The following GRIP1 variants were observed in gnomAD, a reference collection of about 807,000 sequenced individuals.
GRIP1 encodes the protein glutamate receptor interacting protein 1.
Under a neutral mutation model 129.9 loss-of-function variants are expected in GRIP1, and 45 were observed. The ratio of observed to expected loss-of-function variants is 0.35; its 90% CI spans 0.27 to 0.44. The LOEUF is 0.44. GRIP1 is among the 20% of genes least tolerant of loss of function. The probability of loss-of-function intolerance (pLI) is 1.00; values close to 1 mark genes in which losing one functional copy is unlikely to be tolerated. For synonymous variants in GRIP1, 530 were observed against 520.8 expected (o/e 1.02, Z -0.24); for missense variants, 1,196 against 1,396.8 (o/e 0.86, Z 2.29).
At chr12:66,632,566 A>G (rs2030922818) in intron 1 of GRIP1, among the ~76,000 whole-genome samples, 1 of 152,190 alleles carries the variant, frequency 6.6e-6, no homozygotes, top group African/African-American at 2.4e-5. Flanking sequence ...TTCCATTCTA[A>G]TGAACACTTT....
intron 1 of GRIP1, among the ~76,000 whole-genome samples, chr12:66,837,798 G>A (rs909313875): frequency 2.6e-5 from 4 of 152,160 alleles, no homozygotes; most frequent in Non-Finnish European, 2.9e-5. Flanking sequence ...AAGGGTAAAG[G>A]AGAAAGGTCA....
At chr12:66,665,357 T>C (rs2033738136) in intron 1 of GRIP1, among the ~76,000 whole-genome samples, 1 of 152,146 alleles carries the variant, frequency 6.6e-6, no homozygotes, top group Non-Finnish European at 1.5e-5. Flanking sequence ...TAGTACACAA[T>C]TCAAAAATGA....
chr12:66,988,848 T>C (rs2042353451), intron 1 of GRIP1, among the ~76,000 whole-genome samples: 1 of 152,226 alleles, frequency 6.6e-6, no homozygotes, highest in Non-Finnish European at 1.5e-5. Flanking sequence ...AAAGAATGAT[T>C]TGATGGCTTT....
intron 1 of GRIP1, among the ~76,000 whole-genome samples, chr12:67,052,757 T>A (rs2043367541): frequency 1.1e-5 from 1 of 88,042 alleles, no homozygotes; most frequent in Non-Finnish European, 2.0e-5. Flanking sequence ...AGACTCTCTC[T>A]CAAAAATGAA....
chr12:66,641,654 C>G (rs762050601), intron 1 of GRIP1, among the ~76,000 whole-genome samples: 11 of 152,150 alleles, frequency 7.2e-5, no homozygotes, highest in South Asian at 2.1e-4. Flanking sequence ...GAGACAAGCT[C>G]TGAGGAAATG....
intron 23 of GRIP1, among the ~76,000 whole-genome samples, chr12:66,367,953 G>A (rs577702066): frequency 7.9e-5 from 12 of 152,298 alleles, no homozygotes; most frequent in Non-Finnish European, 1.5e-4. Context: ...CATGACAACT[G>A]GCTTTTCAGC....
At chr12:66,943,828 T>G (rs1186099990) in intron 1 of GRIP1, among the ~76,000 whole-genome samples, 2 of 152,202 alleles carry the variant, frequency 1.3e-5, no homozygotes, top group African/African-American at 4.8e-5. Flanking sequence ...ATTCAATATA[T>G]TTGACTCAAT....
At chr12:66,569,005 G>T in intron 2 of GRIP1, 2 of 473,306 alleles carry the variant, frequency 4.2e-6, no homozygotes, top group East Asian at 5.9e-5. Flanking sequence ...AATTCTATCT[G>T]CGTGCTTCTC....
intron 1 of GRIP1, among the ~76,000 whole-genome samples, chr12:66,619,201 G>T (rs2065164955): frequency 6.6e-6 from 1 of 152,034 alleles, no homozygotes; most frequent in Admixed American, 6.6e-5. Flanking sequence ...AAATAGTTTG[G>T]GATCCATAGG....
At chr12:66,757,576 C>T (rs368112044) in intron 1 of GRIP1, among the ~76,000 whole-genome samples, 26 of 152,226 alleles carry the variant, frequency 1.7e-4, no homozygotes, top group African/African-American at 3.1e-4. Flanking sequence ...GATACTTCCT[C>T]GATATACTAA....
chr12:66,470,748 T>C (rs1270893341), intron 7 of GRIP1, among the ~76,000 whole-genome samples: 1 of 152,178 alleles, frequency 6.6e-6, no homozygotes, highest in Non-Finnish European at 1.5e-5. Flanking sequence ...GAGAAGAGTT[T>C]AATAAAGGAA....
chr12:66,786,596 T>C (rs1168649821), intron 1 of GRIP1, among the ~76,000 whole-genome samples: 1 of 152,228 alleles, frequency 6.6e-6, no homozygotes, highest in Admixed American at 6.5e-5. Flanking sequence ...CAGTATCTAC[T>C]GGTGAGCACT....
intron 1 of GRIP1, among the ~76,000 whole-genome samples, chr12:66,941,052 AC>A (rs77133332): frequency 0.083 from 12,639 of 152,226 alleles, 664 homozygotes; most frequent in East Asian, 0.24. Flanking sequence ...AATGCTAAAC[AC>A]AATCTCCAAT....
chr12:67,064,771 C>CT (rs1227315680), intron 1 of GRIP1, among the ~76,000 whole-genome samples: 1 of 152,016 alleles, frequency 6.6e-6, no homozygotes, highest in Non-Finnish European at 1.5e-5. Context: ...TATTATTATA[C>CT]TTTAAGTTTT....
chr12:66,383,507 G>A (rs2056216031), intron 19 of GRIP1, among the ~76,000 whole-genome samples: 1 of 152,138 alleles, frequency 6.6e-6, no homozygotes, highest in Non-Finnish European at 1.5e-5. Context: ...CCCCATAGGA[G>A]GAATGTGATT....
At chr12:66,648,209 C>T (rs2032520920) in intron 1 of GRIP1, among the ~76,000 whole-genome samples, 1 of 152,024 alleles carries the variant, frequency 6.6e-6, no homozygotes. Flanking sequence ...TGGCTTGTGG[C>T]TCATGCCCAT....
At chr12:66,371,597 T>G (rs371953884) in intron 23 of GRIP1, 97 bp downstream of exon 23, 18 of 819,314 alleles carry the variant, frequency 2.2e-5, no homozygotes, top group East Asian at 1.7e-4. Context: ...GCTGAGCCCA[T>G]AGGAGGATAC....
chr12:66,678,859 G>T lies in GRIP1; in HGVS notation c.46C>A (p.Leu16Ile). ...FKCRCQILRR[L>I]TKDESPYTKS... Reference sequence around the variant, plus strand: ...AAGGAAAGCACGATACCTTTAGTAAGTCGCCTCAGAATTTGACAACGGCAT... The same window carrying T: ...AAGGAAAGCACGATACCTTTAGTAATTCGCCTCAGAATTTGACAACGGCAT... Residue 16 changes from leucine (L) to isoleucine (I), a missense_variant, in exon 1 of 25, where the codon CTT becomes ATT. Leu to Ile is a conservative substitution (Grantham distance 5). Transcript: ENST00000359742. 6.2e-7 allele frequency: 1 copy of T among 1,613,364 alleles called. No individual in the cohort carries two copies. The highest frequency in any genetic ancestry group is 8.5e-7 in the Non-Finnish European group (1 of 1,179,494).
intron 1 of GRIP1, among the ~76,000 whole-genome samples, chr12:66,782,522 TGTTTTA>T (rs1003681544): frequency 6.6e-6 from 1 of 152,186 alleles, no homozygotes; most frequent in African/African-American, 2.4e-5. Context: ...GGGGGCTTTT[TGTTTTA>T]GTTTGAGTTT....
Sources: gnomAD v4.1 joint callset for allele counts (sites outside exome capture counted in the v4.1 genomes callset) on GRCh38, gnomAD v4.1.1 for gene constraint, MANE v1.5 for transcripts, NCBI Gene and HGNC (gene_info 2026-07-23, HGNC 2026-07-21) for gene names.